The following FHIT variants were observed in gnomAD, a reference collection of about 807,000 sequenced individuals.
FHIT encodes bis(5'-adenosyl)-triphosphatase.
Under a neutral mutation model 17.9 loss-of-function variants are expected in FHIT, and 19 were observed. That is an observed-to-expected ratio of 1.06 (90% confidence interval 0.74 to 1.56). The LOEUF (loss-of-function observed/expected upper bound fraction) is 1.56, where lower values mean the gene tolerates loss of function less well. Ranked by LOEUF, FHIT falls within the 40% of genes most tolerant of loss-of-function variation. FHIT has a pLI of 0.00. For missense variants in FHIT, 248 were observed against 189.2 expected, an observed-to-expected ratio of 1.31 and a Z score of -1.82; for synonymous variants, 81 against 69.7, an observed-to-expected ratio of 1.16 and a Z score of -0.81.
At chr3:61,207,152 C>A (rs2039267075) in intron 1 of FHIT, among the ~76,000 whole-genome samples, 1 of 152,216 alleles carries the variant, frequency 6.6e-6, no homozygotes, top group African/African-American at 2.4e-5. Flanking sequence ...ACCAGCCTTG[C>A]ATCCCAGGGA....
chr3:60,348,616 G>C (rs145453288), intron 5 of FHIT, among the ~76,000 whole-genome samples: 2 of 151,920 alleles, frequency 1.3e-5, no homozygotes, highest in African/African-American at 4.9e-5. Flanking sequence ...TTGGCAATAA[G>C]TCACAGGCAC....
At chr3:60,697,874 A>G (rs2041150264) in intron 4 of FHIT, among the ~76,000 whole-genome samples, 1 of 152,178 alleles carries the variant, frequency 6.6e-6, no homozygotes, top group Admixed American at 6.5e-5. Context: ...ACAAATCTGG[A>G]AAAAAAATTA....
chr3:60,976,713 T>C (rs1307787582), intron 3 of FHIT, among the ~76,000 whole-genome samples: 1 of 152,202 alleles, frequency 6.6e-6, no homozygotes, highest in African/African-American at 2.4e-5. Context: ...ATATTCCTCA[T>C]TCCACACCTG....
intron 8 of FHIT, among the ~76,000 whole-genome samples, chr3:59,824,681 G>A (rs1700914232): frequency 6.6e-6 from 1 of 152,230 alleles, no homozygotes; most frequent in Non-Finnish European, 1.5e-5. Context: ...ACTTGCTAAA[G>A]GGAGAAGTGA....
intron 4 of FHIT, among the ~76,000 whole-genome samples, chr3:60,672,986 TA>T (rs2040545054): frequency 6.6e-6 from 1 of 151,672 alleles, no homozygotes; most frequent in Non-Finnish European, 1.5e-5. Context: ...CTATCTCATG[TA>T]AAATATAAGA....
At chr3:60,264,941 T>C (rs1325979428) in intron 5 of FHIT, among the ~76,000 whole-genome samples, 1 of 151,942 alleles carries the variant, frequency 6.6e-6, no homozygotes, top group African/African-American at 2.4e-5. Context: ...CTTATACGTA[T>C]TGTCTCTATG....
At position 61,202,817 on chromosome 3, in the gene FHIT, C is replaced by T. The variant is rs561827950; in HGVS notation, c.-212-2152G>A. On this transcript the variant is annotated intron_variant, in intron 1 of 9. Transcript: ENST00000492590. ...CTGTAATCCCAGCACTTTGGGACAC[C>T]AAGGCAGGCAGATAACCTGAAGTCA... Among the ~76,000 whole-genome samples the T allele has an allele frequency of 2.0e-5, 3 of 152,148 alleles. No homozygotes were observed. In the South Asian group the frequency reaches 6.2e-4, roughly 32 times the overall value.
intron 5 of FHIT, among the ~76,000 whole-genome samples, chr3:60,299,632 G>A (rs913079720): frequency 2.0e-5 from 3 of 152,042 alleles, no homozygotes; most frequent in Non-Finnish European, 4.4e-5. Context: ...ACCCCTGAGT[G>A]GAGGAAAAGG....
intron 5 of FHIT, among the ~76,000 whole-genome samples, chr3:60,213,564 A>T (rs1703556163): frequency 1.3e-5 from 2 of 152,148 alleles, no homozygotes; most frequent in Admixed American, 1.3e-4. Flanking sequence ...ATGAATCCCA[A>T]CAACAGATTT....
At chr3:59,774,573 G>A (rs996656114) in intron 8 of FHIT, among the ~76,000 whole-genome samples, 1 of 152,172 alleles carries the variant, frequency 6.6e-6, no homozygotes, top group Non-Finnish European at 1.5e-5. Flanking sequence ...CTCATCCATA[G>A]TAGGTTCTCA....
intron 8 of FHIT, among the ~76,000 whole-genome samples, chr3:59,851,837 A>T (rs1701951072): frequency 6.6e-6 from 1 of 152,246 alleles, no homozygotes; most frequent in Non-Finnish European, 1.5e-5. Context: ...CAAGCTTCTG[A>T]CAACATGAAA....
intron 3 of FHIT, among the ~76,000 whole-genome samples, chr3:60,886,540 G>C (rs1281761828): frequency 1.3e-5 from 2 of 152,112 alleles, no homozygotes; most frequent in East Asian, 1.9e-4. Context: ...AGAATCTGTG[G>C]TTGCTAGAAA....
At chr3:60,861,633 C>T (rs930487637) in intron 3 of FHIT, among the ~76,000 whole-genome samples, 1 of 151,812 alleles carries the variant, frequency 6.6e-6, no homozygotes, top group Non-Finnish European at 1.5e-5. Flanking sequence ...TCTCATGTTC[C>T]CCTTGAAATC....
chr3:59,923,414 A>T (rs912478967), intron 7 of FHIT, among the ~76,000 whole-genome samples: 4 of 152,072 alleles, frequency 2.6e-5, no homozygotes, highest in South Asian at 2.1e-4. Flanking sequence ...CTGCGAACTT[A>T]ATCTTTTAAA....
intron 4 of FHIT, among the ~76,000 whole-genome samples, chr3:60,552,471 C>T (rs1375392127): frequency 6.6e-6 from 1 of 152,188 alleles, no homozygotes; most frequent in Non-Finnish European, 1.5e-5. Flanking sequence ...AAGTCCTCCA[C>T]ATTCCTCACC....
At chr3:59,797,737 A>G (rs542914302) in intron 8 of FHIT, among the ~76,000 whole-genome samples, 23 of 152,314 alleles carry the variant, frequency 1.5e-4, no homozygotes, top group Admixed American at 5.2e-4. Flanking sequence ...GTGCCATTAA[A>G]AGTCCATAAT....
chr3:60,328,633 C>G (rs1307070339), intron 5 of FHIT, among the ~76,000 whole-genome samples: 3 of 152,260 alleles, frequency 2.0e-5, no homozygotes, highest in African/African-American at 7.2e-5. Flanking sequence ...GGGGGGGACA[C>G]AGCCAAACCA....
chr3:60,875,376 G>T (rs1421890421), intron 3 of FHIT, among the ~76,000 whole-genome samples: 2 of 152,066 alleles, frequency 1.3e-5, no homozygotes, highest in African/African-American at 4.8e-5. Context: ...CCACTTAATT[G>T]AATGGCTGCC....
rs533149847 is a variant in FHIT, at chr3:60,088,888, A to G, written c.104-74736T>C. The stretch of plus-strand genomic sequence containing the variant: ...GCCTGACACATGGTAGGTACTCAAT[A>G]AATATTTATTAAATGAAAAAATACC... On this transcript the variant is annotated intron_variant, in intron 5 of 9. Coordinates refer to ENST00000492590, the MANE Select transcript of FHIT (RefSeq NM_002012.4). Among the ~76,000 whole-genome samples the G allele has an allele frequency of 2.6e-5, 4 of 152,300 alleles. No homozygotes were observed. The South Asian group carries it at 8.3e-4, about 32-fold the overall frequency.
Sources: allele counts gnomAD v4.1 joint callset (sites outside exome capture counted in the v4.1 genomes callset), GRCh38; gene constraint gnomAD v4.1.1; transcripts MANE v1.5; gene names NCBI Gene and HGNC (gene_info 2026-07-23, HGNC 2026-07-21).